FGF1: variants seen among roughly 807,000 people sequenced by gnomAD.
FGF1 encodes the protein fibroblast growth factor 1.
FGF1 carries 9 observed loss-of-function variants against 13.4 expected under a neutral mutation model. The ratio of observed to expected loss-of-function variants is 0.67; its 90% CI spans 0.40 to 1.17. The LOEUF (loss-of-function observed/expected upper bound fraction) is 1.17. Ranked by LOEUF, FGF1 falls within the 50% of genes most tolerant of loss-of-function variation. The probability of loss-of-function intolerance (pLI) is 0.01; values close to 1 mark genes in which losing one functional copy is unlikely to be tolerated. For missense variants in FGF1, 156 were observed against 192.7 expected, an observed-to-expected ratio of 0.81 and a Z score of 1.13; for synonymous variants, 93 against 79.0, an observed-to-expected ratio of 1.18 and a Z score of -0.94.
intron 1 of FGF1, among the ~76,000 whole-genome samples, chr5:142,620,657 T>G (rs753070348): frequency 6.6e-6 from 1 of 152,246 alleles, no homozygotes; most frequent in Non-Finnish European, 1.5e-5. Context: ...GGAGATTTTA[T>G]AATACATTTC....
At chr5:142,686,456 G>A (rs1175623028), upstream of FGF1, 1 of 152,308 alleles carries the variant, frequency 6.6e-6, no homozygotes, top group South Asian at 2.1e-4. Context: ...ATTTTAACGT[G>A]GTTTGTCTTG....
chr5:142,650,756 A>T (rs930059393), intron 1 of FGF1, among the ~76,000 whole-genome samples: 8 of 152,150 alleles, frequency 5.3e-5, no homozygotes, highest in Non-Finnish European at 1.0e-4. Flanking sequence ...ATATTGCTGT[A>T]GTATTAATTG....
exon 1 of FGF1, chr5:142,697,959 G>A (rs1753385180): frequency 6.6e-6 from 1 of 152,310 alleles, no homozygotes; most frequent in African/African-American, 2.4e-5. Flanking sequence ...GGAGAGGAAG[G>A]CTGCCGAGTG....
chr5:142,636,348 T>C (rs112093377), intron 1 of FGF1, among the ~76,000 whole-genome samples: 2 of 152,128 alleles, frequency 1.3e-5, no homozygotes, highest in African/African-American at 4.8e-5. Flanking sequence ...GCCTTTAGGG[T>C]GAGGAAGGGA....
chr5:142,691,502 G>A (rs1187707345), intron 2 of FGF1, among the ~76,000 whole-genome samples: 2 of 151,806 alleles, frequency 1.3e-5, no homozygotes, highest in East Asian at 1.9e-4. Flanking sequence ...TTACTTACTT[G>A]TTCTGTCTCC....
intron 1 of FGF1, among the ~76,000 whole-genome samples, chr5:142,645,472 G>A (rs943674752): frequency 1.3e-5 from 2 of 152,144 alleles, no homozygotes; most frequent in African/African-American, 2.4e-5. Context: ...ACTGACCTGG[G>A]TTCCAATCCC....
chr5:142,673,396 C>G (rs9687118), intron 1 of FGF1, among the ~76,000 whole-genome samples: 5,078 of 152,238 alleles, frequency 0.033, 305 homozygotes, highest in African/African-American at 0.11. Context: ...TATTTACACA[C>G]CATTCAGAAA....
intron 2 of FGF1, among the ~76,000 whole-genome samples, chr5:142,602,679 A>G (rs1049403415): frequency 3.3e-5 from 5 of 151,546 alleles, no homozygotes; most frequent in Non-Finnish European, 7.4e-5. Context: ...ACTATCTCAT[A>G]CTAATGGTAA....
At chr5:142,629,146 T>C (rs1762923134) in intron 1 of FGF1, among the ~76,000 whole-genome samples, 1 of 152,182 alleles carries the variant, frequency 6.6e-6, no homozygotes, top group Non-Finnish European at 1.5e-5. Context: ...TTTGATAGGC[T>C]TGATTTGCAA....
chr5:142,629,930 G>C (rs1763095483), intron 1 of FGF1, among the ~76,000 whole-genome samples: 1 of 138,514 alleles, frequency 7.2e-6, no homozygotes, highest in African/African-American at 2.7e-5. Flanking sequence ...GTCTCGCTCT[G>C]TTGGCCAGGC....
At chr5:142,618,018 A>G (rs1597145423) in intron 1 of FGF1, among the ~76,000 whole-genome samples, 1 of 152,206 alleles carries the variant, frequency 6.6e-6, no homozygotes, top group East Asian at 1.9e-4. Context: ...AAGGAAATTT[A>G]TAAGCTCTGC....
chr5:142,683,821 CA>C (rs768317949), intron 1 of FGF1, among the ~76,000 whole-genome samples: 1,009 of 49,748 alleles, frequency 0.02, 8 homozygotes, highest in South Asian at 0.08. Context: ...AACTCTGTCT[CA>C]AAAAAAAAAA....
At chr5:142,641,365 T>A (rs1391201795) in intron 1 of FGF1, among the ~76,000 whole-genome samples, 1 of 152,072 alleles carries the variant, frequency 6.6e-6, no homozygotes, top group Non-Finnish European at 1.5e-5. Flanking sequence ...TTTCTTCTTG[T>A]GTTTGTCATT....
intron 1 of FGF1, among the ~76,000 whole-genome samples, chr5:142,641,097 G>C (rs1173347339): frequency 6.6e-6 from 1 of 152,086 alleles, no homozygotes; most frequent in Admixed American, 6.5e-5. Flanking sequence ...CCACACTTAG[G>C]TGGTTCTTCT....
chr5:142,608,693 C>T (rs1009618942), intron 2 of FGF1, among the ~76,000 whole-genome samples: 2 of 138,846 alleles, frequency 1.4e-5, no homozygotes, highest in Non-Finnish European at 3.0e-5. Context: ...TTGATACAGT[C>T]CAGAGACTGA....
intron 2 of FGF1, among the ~76,000 whole-genome samples, chr5:142,610,343 A>G (rs1474849516): frequency 6.6e-6 from 1 of 152,240 alleles, no homozygotes; most frequent in African/African-American, 2.4e-5. Flanking sequence ...TTGAGCAATG[A>G]GAGACAAAGT....
At chr5:142,629,895 A>ATTT (rs35168859) in intron 1 of FGF1, among the ~76,000 whole-genome samples, 1,440 of 127,806 alleles carry the variant, frequency 0.011, 11 homozygotes, top group African/African-American at 0.014. Context: ...ATATATATAT[A>ATTT]TTTTTTTTTT....
chr5:142,646,015 T>C (rs1299401163), intron 1 of FGF1, among the ~76,000 whole-genome samples: 1 of 152,118 alleles, frequency 6.6e-6, no homozygotes. Context: ...TTCAAGTCAT[T>C]CTCCTGCCTC....
intron 1 of FGF1, among the ~76,000 whole-genome samples, chr5:142,632,413 G>A (rs1173805005): frequency 6.6e-6 from 1 of 152,082 alleles, no homozygotes; most frequent in East Asian, 1.9e-4. Flanking sequence ...TTATCAACAG[G>A]GGCACATGTA....
Sources: allele counts gnomAD v4.1 joint callset (sites outside exome capture counted in the v4.1 genomes callset), GRCh38; gene constraint gnomAD v4.1.1; transcripts MANE v1.5; gene names NCBI Gene and HGNC (gene_info 2026-07-23, HGNC 2026-07-21).